Variants in SAMMSON observed in about 807,000 individuals in gnomAD.
SAMMSON encodes the protein survival associated mitochondrial melanoma specific oncogenic non-coding RNA, also known as long intergenic non-protein coding RNA 1212.
At chr3:70,025,960 G>A (rs1048241298) in intron 3 of SAMMSON, among the ~76,000 whole-genome samples, 1 of 152,104 alleles carries the variant, frequency 6.6e-6, no homozygotes, top group Admixed American at 6.6e-5. Flanking sequence ...AGGAAGAGGA[G>A]GGGTTGGTCT....
chr3:70,161,955 A>G (rs2067617277), intron 4 of SAMMSON, among the ~76,000 whole-genome samples: 1 of 151,662 alleles, frequency 6.6e-6, no homozygotes, highest in Admixed American at 6.6e-5. Context: ...CTTTATAATT[A>G]TTTTAATTTC....
intron 3 of SAMMSON, among the ~76,000 whole-genome samples, chr3:70,059,402 A>G (rs532177261): frequency 3.9e-5 from 6 of 152,184 alleles, no homozygotes; most frequent in South Asian, 4.1e-4. Flanking sequence ...GAGAATTCCC[A>G]TGATCTGCCA....
chr3:70,090,823 G>C (rs562699569), intron 4 of SAMMSON, among the ~76,000 whole-genome samples: 9 of 150,156 alleles, frequency 6.0e-5, no homozygotes, highest in African/African-American at 2.0e-4. Context: ...CTTAGTAATT[G>C]TCAAACATTA....
At chr3:70,241,765 C>T (rs1049403213) in intron 4 of SAMMSON, among the ~76,000 whole-genome samples, 2 of 152,096 alleles carry the variant, frequency 1.3e-5, no homozygotes, top group Non-Finnish European at 2.9e-5. Flanking sequence ...CCATTTAATC[C>T]TTCCTAAAAA....
chr3:70,289,754 C>T (rs1702211325), intron 6 of SAMMSON, among the ~76,000 whole-genome samples: 2 of 152,114 alleles, frequency 1.3e-5, no homozygotes, highest in African/African-American at 2.4e-5. Flanking sequence ...AGGGTTTGCT[C>T]GTTTCTTTTT....
intron 3 of SAMMSON, among the ~76,000 whole-genome samples, chr3:70,053,575 G>A (rs1215542604): frequency 2.0e-5 from 3 of 152,094 alleles, no homozygotes; most frequent in Admixed American, 1.3e-4. Context: ...AGACTGACAC[G>A]TGCTAATTTT....
chr3:70,174,731 C>T (rs989168088), intron 4 of SAMMSON, among the ~76,000 whole-genome samples: 3 of 148,660 alleles, frequency 2.0e-5, no homozygotes, highest in African/African-American at 7.4e-5. Flanking sequence ...CTTCAATTAT[C>T]TATTCAATTA....
chr3:70,218,512 C>T (rs1382726355), intron 4 of SAMMSON, among the ~76,000 whole-genome samples: 2 of 152,076 alleles, frequency 1.3e-5, no homozygotes, highest in Non-Finnish European at 2.9e-5. Context: ...TGCTTCCTTT[C>T]GGTACCCAGG....
At chr3:70,287,470 T>C (rs1018754803) in intron 6 of SAMMSON, among the ~76,000 whole-genome samples, 5 of 152,040 alleles carry the variant, frequency 3.3e-5, no homozygotes, top group Non-Finnish European at 5.9e-5. Context: ...CAGTATTTTA[T>C]TGAGGATTTT....
intron 3 of SAMMSON, among the ~76,000 whole-genome samples, chr3:70,036,678 A>G (rs143546028): frequency 2.9e-3 from 445 of 152,266 alleles, no homozygotes; most frequent in Non-Finnish European, 4.0e-3. Context: ...AATTCAACCC[A>G]TAGAACAAAG....
intron 4 of SAMMSON, among the ~76,000 whole-genome samples, chr3:70,231,611 G>A (rs1183442141): frequency 1.3e-5 from 2 of 152,068 alleles, no homozygotes; most frequent in African/African-American, 4.8e-5. Flanking sequence ...TCCTTCCCTG[G>A]TTAGTTACCA....
intron 2 of SAMMSON, among the ~76,000 whole-genome samples, chr3:70,012,990 A>T (rs935514366): frequency 2.0e-5 from 3 of 152,032 alleles, no homozygotes; most frequent in Non-Finnish European, 4.4e-5. Flanking sequence ...CAGTTTGTAG[A>T]CTCTGGAGGA....
At chr3:70,237,443 G>A (rs190650822) in intron 4 of SAMMSON, among the ~76,000 whole-genome samples, 13 of 152,128 alleles carry the variant, frequency 8.5e-5, no homozygotes, top group Admixed American at 6.6e-4. Flanking sequence ...TTTCTTTTCC[G>A]ATTCCTTTCA....
At chr3:70,031,549 AACAC>A (rs1251467107) in intron 3 of SAMMSON, among the ~76,000 whole-genome samples, 1 of 152,192 alleles carries the variant, frequency 6.6e-6, no homozygotes, top group Non-Finnish European at 1.5e-5. Context: ...TGTTATGTAT[AACAC>A]ACAGGAGAGG....
intron 2 of SAMMSON, among the ~76,000 whole-genome samples, chr3:70,418,916 CTTTCTTTCCTTTCCT>C (rs1678552300): frequency 9.9e-6 from 1 of 101,450 alleles, no homozygotes; most frequent in African/African-American, 4.1e-5. Flanking sequence ...TTGATGTTTG[CTTTCTTTCCTTTCCT>C]TTCCTTTCCT....
chr3:70,170,553 C>T (rs1700934907), intron 4 of SAMMSON, among the ~76,000 whole-genome samples: 1 of 143,936 alleles, frequency 6.9e-6, no homozygotes, highest in African/African-American at 2.6e-5. Flanking sequence ...CAATTTTAAA[C>T]AGAATCACTT....
At position 70,263,732 on chromosome 3, in the gene SAMMSON, C is replaced by T. The variant is rs1701889408; in HGVS notation, n.674+14062C>T. 3.3e-5 allele frequency among the ~76,000 whole-genome samples: 5 copies of T among 152,176 alleles called. No individual in the cohort carries two copies. The South Asian group carries it at 1.0e-3, about 32-fold the overall frequency. ...TCTGCCCTATAAATTTCTATCCTCT[C>T]TGCCTCCCCAAATTTCAATTTGTCT... On this transcript the variant is annotated intron_variant and non_coding_transcript_variant, in intron 6 of 9. Coordinates refer to ENST00000642114, the Ensembl canonical transcript of SAMMSON.
At chr3:70,133,169 G>T (rs936359738) in intron 4 of SAMMSON, among the ~76,000 whole-genome samples, 2 of 152,142 alleles carry the variant, frequency 1.3e-5, no homozygotes, top group African/African-American at 4.8e-5. Context: ...GCTGCAGGGT[G>T]GGGGCTGGTT....
intron 9 of SAMMSON, among the ~76,000 whole-genome samples, chr3:70,366,850 A>G (rs780141133): frequency 6.6e-6 from 1 of 151,582 alleles, no homozygotes; most frequent in Non-Finnish European, 1.5e-5. Flanking sequence ...CTCCTATTAT[A>G]TTTTGAATTA....
Sources: allele counts gnomAD v4.1 joint callset (sites outside exome capture counted in the v4.1 genomes callset), GRCh38; gene constraint gnomAD v4.1.1; transcripts MANE v1.5; gene names NCBI Gene and HGNC (gene_info 2026-07-23, HGNC 2026-07-21).